ATP2C2: variants seen among roughly 807,000 people sequenced by gnomAD.
The protein encoded by ATP2C2 is ATPase secretory pathway Ca2+ transporting 2.
Under a neutral mutation model 110.8 loss-of-function variants are expected in ATP2C2, and 171 were observed. The ratio of observed to expected loss-of-function variants is 1.54; its 90% confidence interval spans 1.36 to 1.75. The LOEUF is 1.75. ATP2C2 is among the 40% of genes most tolerant of loss of function. The pLI is 0.00. For missense variants in ATP2C2, 1,963 were observed against 1,235.0 expected, an observed-to-expected ratio of 1.59 and a Z score of -8.84; for synonymous variants, 804 against 508.4, an observed-to-expected ratio of 1.58 and a Z score of -7.82.
intron 1 of ATP2C2, among the ~76,000 whole-genome samples, chr16:84,369,338 C>T (rs1210579342): frequency 1.3e-5 from 2 of 152,100 alleles, no homozygotes; most frequent in East Asian, 1.9e-4. Context: ...CAAATAAAGC[C>T]CCTCCTGTTC....
intron 2 of ATP2C2, among the ~76,000 whole-genome samples, chr16:84,401,072 A>G (rs977351130): frequency 2.0e-5 from 3 of 151,978 alleles, no homozygotes; most frequent in Non-Finnish European, 4.4e-5. Context: ...TTTTAACTTG[A>G]TGTGATTCCA....
chr16:84,422,561 C>T (rs200198885), intron 8 of ATP2C2, 22 bp downstream of exon 8: 4 of 1,612,368 alleles, frequency 2.5e-6, no homozygotes, highest in Non-Finnish European at 3.4e-6. Flanking sequence ...GACACCGAGG[C>T]CTTGGGCTCC....
chr16:84,439,108 T>C, intron 11 of ATP2C2, 58 bp from the exon 12 acceptor site: 1 of 1,597,488 alleles, frequency 6.3e-7, no homozygotes, highest in South Asian at 1.1e-5. Context: ...CAGCCCCAGC[T>C]GAGAGTCACA....
chr16:84,447,815 TA>T (rs1241813219), intron 16 of ATP2C2, among the ~76,000 whole-genome samples: 1 of 142,910 alleles, frequency 7.0e-6, no homozygotes, highest in African/African-American at 2.6e-5. Flanking sequence ...ACATATGTAC[TA>T]TAATTAATGT....
At position 84,459,401 on chromosome 16, in the gene ATP2C2, G is replaced by A. The variant is rs759399790; in HGVS notation, c.2333+15G>A. The A allele has an allele frequency of 6.2e-7, 1 of 1,612,062 alleles. No homozygotes were observed. On this transcript the variant is annotated intron_variant, in intron 23 of 26. Transcript: ENST00000262429. ...CCGGCGCAGAGGTGAGGCAGGGCCG[G>A]CTGGGAGCCCTGTGTCTCTTTACCC...
At position 84,422,680 on chromosome 16, in the gene ATP2C2, A is replaced by G; in HGVS notation, c.826A>G (p.Met276Val). Residue 276 changes from methionine (M) to valine (V), a missense_variant, in exon 9 of 27, where the codon ATG (methionine) becomes GTG (valine). Transcript: ENST00000262429. ...ESSQFGEVFK[M>V]MQAEETPKTP... ...CTCTCAGTTCGGAGAAGTGTTTAAG[A>G]TGATGCAGGCTGAAGAGGTAAGGGG... 1.9e-6 allele frequency: 3 copies of G among 1,613,208 alleles called. No homozygotes were observed. The highest frequency in any genetic ancestry group is 2.5e-6 in the Non-Finnish European group (3 of 1,179,674).
At chr16:84,439,656 G>A in intron 13 of ATP2C2, 132 bp downstream of exon 13, 1 of 847,104 alleles carries the variant, frequency 1.2e-6, no homozygotes, top group East Asian at 2.6e-5. Context: ...TAATCTCCTT[G>A]CTAACATGAC....
chr16:84,400,044 G>T (rs1480597344), intron 2 of ATP2C2, among the ~76,000 whole-genome samples: 1 of 152,094 alleles, frequency 6.6e-6, no homozygotes, highest in African/African-American at 2.4e-5. Context: ...TATGTTATTT[G>T]ACTTAATATA....
intron 7 of ATP2C2, among the ~76,000 whole-genome samples, chr16:84,418,891 C>A (rs79927873): frequency 0.12 from 18,000 of 152,084 alleles, 1,178 homozygotes; most frequent in South Asian, 0.23. Flanking sequence ...AAATTGAAAT[C>A]GTTTTCACTG....
In ATP2C2 at chr16:84,464,168, G is replaced by A. The variant is rs1911685785; in HGVS notation, c.*436G>A. The A allele has an allele frequency of 6.4e-6, 1 of 155,740 alleles. No homozygotes were observed. The highest frequency in any genetic ancestry group is 6.4e-5 in the Admixed American group (1 of 15,740). The allele number at this position is 155,740 out of a possible 1,614,324, so 9.6% of individuals were successfully genotyped here. On this transcript the variant is annotated 3_prime_UTR_variant, in exon 27 of 27. Coordinates refer to ENST00000262429, the MANE Select transcript of ATP2C2 (RefSeq NM_014861.4). ...AAAATGAGGGACTTTTAAATAAAGTGCTATGCCGGGGGATAATTATTTTGA... is the reference window on the plus strand; with the variant it reads ...AAAATGAGGGACTTTTAAATAAAGTACTATGCCGGGGGATAATTATTTTGA...
chr16:84,385,282 C>T (rs573632447), intron 1 of ATP2C2, among the ~76,000 whole-genome samples: 21 of 152,034 alleles, frequency 1.4e-4, no homozygotes, highest in Admixed American at 6.6e-4. Context: ...TTTTAAATGA[C>T]GAGATCTCAC....
intron 4 of ATP2C2, among the ~76,000 whole-genome samples, chr16:84,409,311 G>C (rs536813548): frequency 6.6e-6 from 1 of 152,182 alleles, no homozygotes; most frequent in African/African-American, 2.4e-5. Context: ...GGGTCAGGGG[G>C]CTGGGGGAGG....
rs1338722097 is a variant in ATP2C2, at chr16:84,405,132, A to T, written c.215A>T (p.Asp72Val). 1 of 1,611,600 alleles carries T rather than the reference A, an allele frequency of 6.2e-7. No homozygotes were observed. The highest frequency in any genetic ancestry group is 8.5e-7 in the Non-Finnish European group (1 of 1,179,384). Reference protein sequence around the residue: ...KEDLARAFCVDLHTGLSEFSV... With the variant: ...KEDLARAFCVVLHTGLSEFSV... ...GTGCCTGACCTCTCCTTCCAGGTGG[A>T]CTTACACACTGGGCTGTCGGAGTTC... The change falls in exon 3 of 27, where the codon GAC becomes GTC. Residue 72 changes from aspartate to valine, a missense_variant. Physicochemically the swap from Asp to Val is radical, Grantham distance 152. Coordinates refer to ENST00000262429, the MANE Select transcript of ATP2C2 (RefSeq NM_014861.4).
intron 11 of ATP2C2, among the ~76,000 whole-genome samples, chr16:84,432,226 A>C (rs988804495): frequency 1.3e-5 from 2 of 152,054 alleles, no homozygotes; most frequent in Non-Finnish European, 2.9e-5. Flanking sequence ...AGCAGTGTAC[A>C]CTGTACCCAA....
intron 11 of ATP2C2, 173 bp from the exon 12 acceptor site, chr16:84,438,993 G>C (rs2241641): frequency 0.14 from 132,338 of 927,342 alleles, 10,647 homozygotes; most frequent in South Asian, 0.26. Context: ...GCTCAGGACA[G>C]TGGGTGCTGC....
intron 16 of ATP2C2, among the ~76,000 whole-genome samples, chr16:84,446,733 C>G (rs1173357288): frequency 6.6e-6 from 1 of 152,140 alleles, no homozygotes; most frequent in Non-Finnish European, 1.5e-5. Context: ...GTCGAAGGGT[C>G]CAGGGGTGGG....
intron 2 of ATP2C2, among the ~76,000 whole-genome samples, chr16:84,402,315 T>C (rs1313468827): frequency 6.6e-6 from 1 of 152,240 alleles, no homozygotes; most frequent in African/African-American, 2.4e-5. Context: ...CCTTTATTTT[T>C]TACTCTTGTC....
chr16:84,383,417 C>T (rs760198753), intron 1 of ATP2C2, among the ~76,000 whole-genome samples: 3 of 152,328 alleles, frequency 2.0e-5, no homozygotes, highest in East Asian at 1.9e-4. Flanking sequence ...AGTGAAGGTG[C>T]GCGTGATGAT....
chr16:84,413,302 G>T (rs1395977912), intron 6 of ATP2C2, among the ~76,000 whole-genome samples: 2 of 152,142 alleles, frequency 1.3e-5, no homozygotes, highest in East Asian at 3.8e-4. Flanking sequence ...GTAGAAAGCC[G>T]TAGTGAGATA....
Sources: allele counts gnomAD v4.1 joint callset (sites outside exome capture counted in the v4.1 genomes callset), GRCh38; gene constraint gnomAD v4.1.1; transcripts MANE v1.5; gene names NCBI Gene and HGNC (gene_info 2026-07-23, HGNC 2026-07-21).